The following ZFYVE9 variants were observed in gnomAD, a reference collection of about 807,000 sequenced individuals.
ZFYVE9 encodes the protein zinc finger FYVE domain-containing protein 9.
Under a neutral mutation model 126.7 loss-of-function variants are expected in ZFYVE9, and 43 were observed. That is an observed-to-expected ratio of 0.34 (90% CI 0.27 to 0.44). ZFYVE9 has a LOEUF of 0.44. Ranked by LOEUF, ZFYVE9 falls within the 20% of genes least tolerant of loss-of-function variation. The pLI is 1.00. For missense variants in ZFYVE9, 1,476 were observed against 1,697.0 expected (o/e 0.87, Z 2.29); for synonymous variants, 521 against 597.4 (o/e 0.87, Z 1.87).
intron 1 of ZFYVE9, among the ~76,000 whole-genome samples, chr1:52,196,522 AG>A (rs1644861793): frequency 6.6e-6 from 1 of 152,116 alleles, no homozygotes; most frequent in Non-Finnish European, 1.5e-5. Context: ...CTGTAGTCCC[AG>A]CTACTCGGGA....
Position 52,344,915 on chromosome 1 carries a change from G to A in ZFYVE9, c.4087G>A (p.Gly1363Arg). 1 of 1,614,104 alleles carries A rather than the reference G, an allele frequency of 6.2e-7. No homozygotes were observed. Among genetic ancestry groups the A allele is most frequent in the Non-Finnish European group, 8.5e-7 (1 of 1,180,036 alleles). The stretch of plus-strand genomic sequence containing the variant: ...GAAGGAAGATGGAATGACCAAACTG[G>A]GACTACGTGTGACACTTGACTCAGA... ...LLKEDGMTKL[G>R]LRVTLDSDQV... Residue 1363 changes from glycine to arginine, a missense_variant, in exon 18 of 19, where the codon GGA becomes AGA. Gly to Arg is a moderately radical substitution (Grantham distance 125). Coordinates refer to ENST00000287727, the MANE Select transcript of ZFYVE9 (RefSeq NM_004799.4).
At chr1:52,217,013 C>G (rs1645077776) in intron 2 of ZFYVE9, among the ~76,000 whole-genome samples, 1 of 151,988 alleles carries the variant, frequency 6.6e-6, no homozygotes, top group Admixed American at 6.6e-5. Flanking sequence ...TGTGAACCCC[C>G]AATATCTGTG....
intron 3 of ZFYVE9, among the ~76,000 whole-genome samples, chr1:52,234,304 A>G (rs748045712): frequency 6.6e-6 from 1 of 152,138 alleles, no homozygotes; most frequent in Non-Finnish European, 1.5e-5. Flanking sequence ...TACAGAAAAT[A>G]CAAAAAAAAT....
At position 52,142,167 on chromosome 1, in the gene ZFYVE9, C is replaced by G. The variant is rs569443383; in HGVS notation, c.-379C>G. The stretch of plus-strand genomic sequence containing the variant: ...CCGCCGCAGCCTTGCGCCCCCGGCC[C>G]GGCTCGGCGGCGCTCCTCCGGGATC... On this transcript the variant is annotated 5_prime_UTR_variant, in exon 1 of 19. Transcript: ENST00000287727. The surrounding 1 kb of genome is among the most constrained non-coding windows in gnomAD (Gnocchi z 4.5). 26 of 151,546 alleles carry G rather than the reference C, an allele frequency of 1.7e-4. No homozygotes were observed. Among genetic ancestry groups the G allele is most frequent in the Admixed American group, 1.7e-3 (26 of 15,218 alleles). The allele number at this position is 151,546 out of a possible 1,614,324, so 9.4% of individuals were successfully genotyped here.
At chr1:52,267,219 A>G (rs1557490562) in intron 6 of ZFYVE9, among the ~76,000 whole-genome samples, 1 of 152,118 alleles carries the variant, frequency 6.6e-6, no homozygotes, top group African/African-American at 2.4e-5. Context: ...CTTCTTTCCG[A>G]CCAGCCCATT....
At chr1:52,292,433 A>C (rs1645930810) in intron 10 of ZFYVE9, among the ~76,000 whole-genome samples, 1 of 151,098 alleles carries the variant, frequency 6.6e-6, no homozygotes, top group African/African-American at 2.4e-5. Flanking sequence ...GTGAAATTAT[A>C]AGCTTGGTGA....
chr1:52,187,103 C>G (rs1293396728), intron 1 of ZFYVE9, among the ~76,000 whole-genome samples: 3 of 152,092 alleles, frequency 2.0e-5, no homozygotes, highest in Admixed American at 2.0e-4. Flanking sequence ...CAGCATGGTA[C>G]TAACACAAAA....
chr1:52,322,377 C>CTTTTTT (rs113375062), intron 13 of ZFYVE9, among the ~76,000 whole-genome samples: 11 of 119,494 alleles, frequency 9.2e-5, no homozygotes, highest in East Asian at 2.4e-4. Context: ...GTGGTCTTTT[C>CTTTTTT]TTTTTTTTTT....
intron 12 of ZFYVE9, among the ~76,000 whole-genome samples, chr1:52,298,609 T>G (rs1438102368): frequency 6.6e-6 from 1 of 152,198 alleles, no homozygotes; most frequent in Non-Finnish European, 1.5e-5. Flanking sequence ...TGCTCAGGAC[T>G]GTTTTGGCCA....
At chr1:52,180,268 A>T (rs758994687) in intron 1 of ZFYVE9, 24 of 1,601,024 alleles carry the variant, frequency 1.5e-5, no homozygotes, top group Non-Finnish European at 1.8e-5. Context: ...CCTGATGTCA[A>T]ATTTATCAAA....
intron 13 of ZFYVE9, among the ~76,000 whole-genome samples, chr1:52,308,395 T>C (rs1040348486): frequency 6.6e-6 from 1 of 152,092 alleles, no homozygotes; most frequent in Non-Finnish European, 1.5e-5. Context: ...CCATGTTGTC[T>C]AGGCTGATCC....
chr1:52,304,621 T>G (rs1557510967), intron 13 of ZFYVE9, among the ~76,000 whole-genome samples: 1 of 152,166 alleles, frequency 6.6e-6, no homozygotes, highest in Admixed American at 6.5e-5. Flanking sequence ...CCTTTTTCAT[T>G]TCATTTTTTC....
At chr1:52,160,698 G>A in intron 1 of ZFYVE9, 1 of 487,632 alleles carries the variant, frequency 2.1e-6, no homozygotes, top group Non-Finnish European at 3.7e-6. Context: ...ACAGGCGTGA[G>A]CCACTGTGCC....
chr1:52,264,992 G>C (rs1029469646), intron 5 of ZFYVE9, among the ~76,000 whole-genome samples: 1 of 152,206 alleles, frequency 6.6e-6, no homozygotes, highest in Non-Finnish European at 1.5e-5. Context: ...TCACAGATAA[G>C]AGCATGCTGC....
At chr1:52,188,706 T>C (rs1429020012) in intron 1 of ZFYVE9, among the ~76,000 whole-genome samples, 1 of 152,176 alleles carries the variant, frequency 6.6e-6, no homozygotes, top group Non-Finnish European at 1.5e-5. Flanking sequence ...TATAGTAGAC[T>C]GAGGTACATG....
At chr1:52,148,798 T>C (rs191382871) in intron 1 of ZFYVE9, among the ~76,000 whole-genome samples, 489 of 151,568 alleles carry the variant, frequency 3.2e-3, no homozygotes, top group Non-Finnish European at 4.9e-3. Context: ...CGCGCCACCA[T>C]GCCTGGATAA....
intron 4 of ZFYVE9, among the ~76,000 whole-genome samples, chr1:52,260,461 CT>C (rs1022685520): frequency 2.0e-5 from 3 of 151,852 alleles, no homozygotes; most frequent in Non-Finnish European, 4.4e-5. Flanking sequence ...TATTCTCTTC[CT>C]TTTTTTTCTC....
intron 8 of ZFYVE9, among the ~76,000 whole-genome samples, chr1:52,278,168 T>G (rs909339788): frequency 2.0e-5 from 3 of 150,420 alleles, no homozygotes; most frequent in African/African-American, 7.3e-5. Flanking sequence ...ACATTTATTA[T>G]GTGAAATTCT....
At chr1:52,169,975 A>G (rs1448099072) in intron 1 of ZFYVE9, among the ~76,000 whole-genome samples, 2 of 152,212 alleles carry the variant, frequency 1.3e-5, no homozygotes, top group African/African-American at 4.8e-5. Context: ...TAACAGTTAC[A>G]TACGTTGGAA....
Sources: allele counts gnomAD v4.1 joint callset (sites outside exome capture counted in the v4.1 genomes callset), GRCh38; gene constraint gnomAD v4.1.1; non-coding constraint Gnocchi (gnomAD v3.1); transcripts MANE v1.5; gene names NCBI Gene and HGNC (gene_info 2026-07-23, HGNC 2026-07-21).